The following CCNC variants were observed in gnomAD, a reference collection of about 807,000 sequenced individuals.
CCNC encodes cyclin C, also known as cyclin-C.
A neutral mutation model predicts 50.0 loss-of-function variants in CCNC; 19 were observed. The observed-to-expected ratio is 0.38, with a 90% CI of 0.27 to 0.56. CCNC has a LOEUF of 0.56. CCNC is among the 20% of genes least tolerant of loss of function. CCNC has a pLI of 0.72. For synonymous variants in CCNC, 93 were observed against 103.7 expected (o/e 0.90, Z 0.63); for missense variants, 200 against 327.1 (o/e 0.61, Z 3.00).
chr6:99,558,372 C>G, intron 5 of CCNC, 125 bp downstream of exon 5: 2 of 1,438,844 alleles, frequency 1.4e-6, no homozygotes, highest in Non-Finnish European at 1.8e-6. Context: ...ATAAAGTTAT[C>G]CTCAGGAAAT....
At chr6:99,555,601 G>T (rs1802482666) in intron 5 of CCNC, among the ~76,000 whole-genome samples, 1 of 152,030 alleles carries the variant, frequency 6.6e-6, no homozygotes, top group South Asian at 2.1e-4. Flanking sequence ...ACCATGCCCA[G>T]TTAGTTTTTC....
At chr6:99,544,184 A>C in intron 11 of CCNC, 2 of 1,522,396 alleles carry the variant, frequency 1.3e-6, no homozygotes, top group Non-Finnish European at 1.8e-6. Flanking sequence ...AATACCAGTA[A>C]CTTTGGCAAT....
intron 6 of CCNC, 94 bp downstream of exon 6, chr6:99,551,746 C>A (rs924190967): frequency 4.1e-6 from 3 of 732,712 alleles, no homozygotes; most frequent in Non-Finnish European, 6.0e-6. Context: ...TTGAAACTGC[C>A]ATTTCTAGGA....
Position 99,558,554 on chromosome 6 carries a change from G to C in CCNC, c.295-6C>G. 6.3e-7 allele frequency: 1 copy of C among 1,592,882 alleles called. No individual in the cohort carries two copies. Among genetic ancestry groups the C allele is most frequent in the Non-Finnish European group, 8.5e-7 (1 of 1,174,016 alleles). ...TTTGAAACTACTCCAAATTCCTAAAGAAAGAAAAGCAGGTACATGTTAACC... is the reference window on the plus strand; with the variant it reads ...TTTGAAACTACTCCAAATTCCTAAACAAAGAAAAGCAGGTACATGTTAACC... On this transcript the variant is annotated splice_region_variant and splice_polypyrimidine_tract_variant and intron_variant, in intron 4 of 11. Coordinates refer to ENST00000520429, the MANE Select transcript of CCNC (RefSeq NM_005190.4).
intron 2 of CCNC, 65 bp from the exon 3 acceptor site, chr6:99,561,746 A>T: frequency 1.0e-6 from 1 of 978,530 alleles, no homozygotes; most frequent in Non-Finnish European, 1.6e-6. Context: ...AACATTGAAC[A>T]GTAACTTCCA....
At chr6:99,547,911 TGTACTG>T (rs1305865713) in intron 9 of CCNC, among the ~76,000 whole-genome samples, 1 of 152,082 alleles carries the variant, frequency 6.6e-6, no homozygotes, top group Non-Finnish European at 1.5e-5. Flanking sequence ...AGGCACAAAA[TGTACTG>T]GTAAACAACT....
At chr6:99,545,650 G>A (rs1802039921) in intron 10 of CCNC, among the ~76,000 whole-genome samples, 1 of 152,118 alleles carries the variant, frequency 6.6e-6, no homozygotes, top group Non-Finnish European at 1.5e-5. Context: ...CTCAAAAACT[G>A]GCAGCTACAA....
chr6:99,563,543 A>G (rs1768948640), intron 1 of CCNC, among the ~76,000 whole-genome samples: 1 of 152,208 alleles, frequency 6.6e-6, no homozygotes, highest in African/African-American at 2.4e-5. Context: ...GTCATTCAAT[A>G]TGTATTTGAA....
intron 5 of CCNC, among the ~76,000 whole-genome samples, chr6:99,552,217 T>C (rs1802329281): frequency 6.6e-6 from 1 of 152,166 alleles, no homozygotes; most frequent in African/African-American, 2.4e-5. Flanking sequence ...TATTCTTCTG[T>C]TTTCCAGTGA....
chr6:99,567,404 TAC>T (rs1255139988), intron 1 of CCNC, among the ~76,000 whole-genome samples: 1 of 125,534 alleles, frequency 8.0e-6, no homozygotes, highest in Non-Finnish European at 1.6e-5. Context: ...CATATATATA[TAC>T]ATACACACAC....
At chr6:99,544,559 C>T (rs1801998278) in intron 11 of CCNC, among the ~76,000 whole-genome samples, 2 of 151,926 alleles carry the variant, frequency 1.3e-5, no homozygotes, top group South Asian at 4.2e-4. Context: ...CACATACACC[C>T]CAATAACAAC....
intron 4 of CCNC, 112 bp from the exon 5 acceptor site, chr6:99,558,660 C>A: frequency 2.1e-6 from 2 of 941,616 alleles, no homozygotes; most frequent in Non-Finnish European, 3.1e-6. Context: ...CTTCTAACTA[C>A]TTGAGGTGTG....
At chr6:99,565,365 T>G (rs1231327623) in intron 1 of CCNC, among the ~76,000 whole-genome samples, 1 of 152,076 alleles carries the variant, frequency 6.6e-6, no homozygotes, top group Non-Finnish European at 1.5e-5. Flanking sequence ...TTTATATTTT[T>G]CCCTCTGTAT....
chr6:99,553,010 C>T (rs919788609), intron 5 of CCNC, among the ~76,000 whole-genome samples: 1 of 150,638 alleles, frequency 6.6e-6, no homozygotes, highest in Non-Finnish European at 1.5e-5. Flanking sequence ...CCACTGCACT[C>T]CAGTCTGGGT....
rs945218197 is a variant in CCNC, at chr6:99,543,442, A to G, written c.*113T>C. ...TGCAAAAATAAAATCACTTTCCAAT[A>G]TGCTTGACAGAAACAAGCTATTCAT... is the stretch of plus-strand genomic sequence containing the variant. On this transcript the variant is annotated 3_prime_UTR_variant, in exon 12 of 12. Transcript: ENST00000520429. 1 of 1,147,194 alleles carries G rather than the reference A, an allele frequency of 8.7e-7. No homozygotes were observed. The highest frequency in any genetic ancestry group is 1.3e-6 in the Non-Finnish European group (1 of 782,926). 71.1% of individuals were successfully genotyped at this position (1,147,194 alleles called of 1,614,324 possible). A position where few individuals can be genotyped will look rare whatever the true frequency, so the allele number is the denominator to read the frequency against.
chr6:99,547,549 G>A (rs943070704), intron 9 of CCNC, among the ~76,000 whole-genome samples: 6 of 152,108 alleles, frequency 3.9e-5, no homozygotes, highest in African/African-American at 1.4e-4. Context: ...GACGAATTTG[G>A]CTAGCTCCGG....
intron 2 of CCNC, 160 bp from the exon 3 acceptor site, chr6:99,561,841 G>T: frequency 2.1e-6 from 1 of 487,204 alleles, no homozygotes. Context: ...TCTAATTCTA[G>T]GATTTGCAAA....
chr6:99,551,143 A>C (rs2296155), intron 6 of CCNC, 115 bp from the exon 7 acceptor site: 1 of 454,578 alleles, frequency 2.2e-6, no homozygotes, highest in Non-Finnish European at 3.4e-6. Context: ...TTTTTACTAA[A>C]AAGTTTTAAA....
intron 1 of CCNC, among the ~76,000 whole-genome samples, chr6:99,563,941 A>G (rs1768983002): frequency 6.6e-6 from 1 of 152,170 alleles, no homozygotes; most frequent in Admixed American, 6.5e-5. Context: ...CCTGAATGAT[A>G]TTCTTCTTAA....
Sources: allele counts gnomAD v4.1 joint callset (sites outside exome capture counted in the v4.1 genomes callset), GRCh38; gene constraint gnomAD v4.1.1; transcripts MANE v1.5; gene names NCBI Gene and HGNC (gene_info 2026-07-23, HGNC 2026-07-21).